The following STRN4 variants were observed in gnomAD, a reference collection of about 807,000 sequenced individuals.
The protein encoded by STRN4 is striatin 4.
In STRN4, 27 loss-of-function variants were observed where a neutral mutation model predicts 77.9. The ratio of observed to expected loss-of-function variants is 0.35; its 90% CI spans 0.26 to 0.48. The LOEUF (loss-of-function observed/expected upper bound fraction) is 0.48. Among genes scored for constraint, STRN4 ranks in the 20% least tolerant of loss-of-function variants. STRN4 has a pLI of 0.99. For synonymous variants in STRN4, 466 were observed against 443.1 expected, an observed-to-expected ratio of 1.05 and a Z score of -0.65; for missense variants, 798 against 1,049.7, an observed-to-expected ratio of 0.76 and a Z score of 3.31.
Position 46,736,832 on chromosome 19 carries a change from A to C in STRN4, c.530T>G (p.Leu177Arg). Reference sequence around the variant, plus strand: ...CCCCGAGCACACTCACTGTCGGAGAAGCTGCCGCCCCTCCTTCCACACCAA... The same window carrying C: ...CCCCGAGCACACTCACTGTCGGAGACGCTGCCGCCCCTCCTTCCACACCAA... ...SPLVWKEGRQ[L>R]LRQYLEEVGY... Residue 177 changes from leucine (L) to arginine (R), a missense_variant, in exon 4 of 18, where the codon CTT becomes CGT. Leu to Arg is a moderately radical substitution (Grantham distance 102, BLOSUM62 -2). Coordinates refer to ENST00000263280, the MANE Select transcript of STRN4 (RefSeq NM_013403.3). 1 of 1,612,764 alleles carries C rather than the reference A, an allele frequency of 6.2e-7. No homozygotes were observed. The highest frequency in any genetic ancestry group is 8.5e-7 in the Non-Finnish European group (1 of 1,179,344).
chr19:46,739,829 T>C (rs548957188), intron 1 of STRN4, among the ~76,000 whole-genome samples: 2 of 152,386 alleles, frequency 1.3e-5, no homozygotes, highest in African/African-American at 4.8e-5. Flanking sequence ...CCTCATGTGC[T>C]AGGTTCTGCT....
At chr19:46,736,705 A>AGG (rs2122351934) in intron 4 of STRN4, 118 bp downstream of exon 4, 1 of 1,095,472 alleles carries the variant, frequency 9.1e-7, no homozygotes, top group East Asian at 2.7e-5. Context: ...ATGGCTGGCT[A>AGG]AGATCCTGAT....
rs567817361 is a variant in STRN4 at position 46,730,681 on chromosome 19, G to A, written c.879+51C>T. 1.7e-5 allele frequency: 27 copies of A among 1,598,076 alleles called. No homozygotes were observed. The Admixed American group carries it at 1.8e-4, about 11-fold the overall frequency. On this transcript the variant is annotated intron_variant, in intron 6 of 17. Transcript: ENST00000263280. The stretch of plus-strand genomic sequence containing the variant: ...GCCCAGGCTGACTCGGAAGGGCTTC[G>A]ATCAGGTCACACCCAGGCCAGGCTG...
At chr19:46,730,997 A>G (rs1158955011) in intron 5 of STRN4, 124 bp from the exon 6 acceptor site, 1 of 1,370,220 alleles carries the variant, frequency 7.3e-7, no homozygotes, top group East Asian at 2.4e-5. Flanking sequence ...ACCCCTGAGC[A>G]GCCTTGACTC....
At chr19:46,739,693 C>G (rs1432432390) in intron 1 of STRN4, among the ~76,000 whole-genome samples, 1 of 152,208 alleles carries the variant, frequency 6.6e-6, no homozygotes, top group African/African-American at 2.4e-5. Context: ...ACCGTTCCAG[C>G]CCAGAACAGC....
intron 16 of STRN4, chr19:46,721,642 G>A (rs1214847353): frequency 7.6e-6 from 2 of 261,886 alleles, no homozygotes; most frequent in East Asian, 1.9e-4. Flanking sequence ...TGGGAGCACA[G>A]AAGTCCCACG....
At chr19:46,732,765 C>A (rs779881972) in intron 5 of STRN4, 2 of 437,178 alleles carry the variant, frequency 4.6e-6, no homozygotes, top group Non-Finnish European at 8.3e-6. Flanking sequence ...TCGGTAAGCA[C>A]CCCACTCGAC....
At chr19:46,730,991 C>T (rs113736970) in intron 5 of STRN4, 118 bp from the exon 6 acceptor site, 5 of 1,423,056 alleles carry the variant, frequency 3.5e-6, no homozygotes. Context: ...CCCCTAACCC[C>T]TGAGCAGCCT....
chr19:46,730,208 T>C (rs2054216625), intron 6 of STRN4, among the ~76,000 whole-genome samples: 1 of 152,188 alleles, frequency 6.6e-6, no homozygotes, highest in African/African-American at 2.4e-5. Context: ...TGCACACCAC[T>C]CTACTTGGGG....
Position 46,727,944 on chromosome 19 carries a change from G to A in STRN4, c.1103C>T (p.Pro368Leu). ...GCCAGGAGGCGGGCCAGTCACTTTT[G>A]GGGGCAGCCCATCCACATCCCGCAG... ...ADLRDVDGLPPKVTGPPPGTP... is the reference protein window; with the variant it reads ...ADLRDVDGLPLKVTGPPPGTP... The change falls in exon 8 of 18, where the codon CCA (proline) becomes CTA (leucine). Residue 368 changes from proline to leucine, a missense_variant. Pro to Leu is a moderately conservative substitution (Grantham distance 98, BLOSUM62 -3). Coordinates refer to ENST00000263280, the MANE Select transcript of STRN4 (RefSeq NM_013403.3). 6.2e-7 allele frequency: 1 copy of A among 1,613,570 alleles called. No homozygotes were observed.
At position 46,736,811 on chromosome 19, in the gene STRN4, G is replaced by C. The variant is rs200911915; in HGVS notation, c.539+12C>G. ...TCACGTGTCCCCAGCCCCCCTCCCC[G>C]AGCACACTCACTGTCGGAGAAGCTG... On this transcript the variant is annotated intron_variant, in intron 4 of 17. Transcript: ENST00000263280. 6.2e-7 allele frequency: 1 copy of C among 1,604,698 alleles called. No homozygotes were observed.
Position 46,722,901 on chromosome 19 carries a change from G to A in STRN4, c.1815C>T (p.His605=), listed in dbSNP as rs753750473. 30 of 1,614,056 alleles carry A rather than the reference G, an allele frequency of 1.9e-5. No homozygotes were observed. In the South Asian group the frequency reaches 2.5e-4, roughly 14 times the overall value. ...SVAFTSTEPA[H]IVASFRSGDT... Reference sequence around the variant, plus strand: ...CGCCAGAGCGGAAGGAGGCCACGATGTGGGCAGGCTCGGTGCTGGTGAAGG... The same window carrying A: ...CGCCAGAGCGGAAGGAGGCCACGATATGGGCAGGCTCGGTGCTGGTGAAGG... Residue 605 remains histidine (H), a synonymous_variant, in exon 14 of 18, where the codon CAC becomes CAT. Transcript: ENST00000263280.
rs71970589 is a variant in STRN4, at chr19:46,724,249, CAAAAAAAAAAAA to C, written c.1594+546_1594+557del. Among the ~76,000 whole-genome samples, 109 of 87,198 alleles carry C rather than the reference CAAAAAAAAAAAA, an allele frequency of 1.3e-3. 3 individuals carry two copies. Among genetic ancestry groups the C allele is most frequent in the Non-Finnish European group, 1.1e-3 (55 of 48,104 alleles). The allele number at this position is 87,198 out of a possible 152,430, so 57.2% of individuals were successfully genotyped here. ...GGTGACAGAGTGAGACTCTTTGTCT[CAAAAAAAAAAAA>C]AAAAAAAAAAAAAAGGCAGAGAACA... is the stretch of plus-strand genomic sequence containing the variant. On this transcript the variant is annotated intron_variant, in intron 12 of 17. Coordinates refer to ENST00000263280, the MANE Select transcript of STRN4 (RefSeq NM_013403.3).
chr19:46,728,690 C>T lies in STRN4; in HGVS notation c.967G>A (p.Gly323Ser), dbSNP rs201563101. ...GCCCCTTCCCCATCCTCTCCTGAGC[C>T]CAGGAAATCAAACTCATTGATAGCA... The part of the protein sequence containing the change: ...EDAINEFDFL[G>S]SGEDGEGAPD... The change falls in exon 7 of 18, where the codon GGC (glycine) becomes AGC (serine). Residue 323 changes from glycine (G) to serine (S), a missense_variant. Coordinates refer to ENST00000263280, the MANE Select transcript of STRN4 (RefSeq NM_013403.3). The T allele has an allele frequency of 6.2e-7, 1 of 1,614,194 alleles. No homozygotes were observed. The highest frequency in any genetic ancestry group is 2.2e-5 in the East Asian group (1 of 44,878).
chr19:46,742,301 T>C (rs963179431), intron 1 of STRN4, among the ~76,000 whole-genome samples: 3 of 152,088 alleles, frequency 2.0e-5, no homozygotes, highest in African/African-American at 7.2e-5. Flanking sequence ...GGGGCTGCCT[T>C]CTCTGCCATT....
chr19:46,742,834 T>A (rs2054498191), intron 1 of STRN4, among the ~76,000 whole-genome samples: 1 of 152,220 alleles, frequency 6.6e-6, no homozygotes, highest in African/African-American at 2.4e-5. Flanking sequence ...GTGCTGGGAT[T>A]ACAGGCGCGA....
chr19:46,720,962 A>G (rs1333577999), intron 16 of STRN4, 191 bp from the exon 17 acceptor site: 3 of 517,668 alleles, frequency 5.8e-6, no homozygotes, highest in African/African-American at 2.0e-5. Flanking sequence ...TCCACAGTCC[A>G]TCTCATCCCC....
chr19:46,738,258 T>C lies in STRN4; in HGVS notation c.387-21A>G. ...TGGCCCTAAAAGAGCAAATGATTAA[T>C]GAATAAGAGATGCGGGAGAGTAGAC... is the stretch of plus-strand genomic sequence containing the variant. On this transcript the variant is annotated intron_variant, in intron 2 of 17. Transcript: ENST00000263280. This position sits in a 1 kb window ranked among gnomAD's most constrained non-coding sequence, Gnocchi z 4.5. 1 of 1,609,116 alleles carries C rather than the reference T, an allele frequency of 6.2e-7. No individual in the cohort carries two copies.
intron 4 of STRN4, among the ~76,000 whole-genome samples, chr19:46,734,575 G>C (rs2122330790): frequency 6.6e-6 from 1 of 152,280 alleles, no homozygotes; most frequent in South Asian, 2.1e-4. Flanking sequence ...TATATGTTGG[G>C]TTTTTTTCCT....
Sources: gnomAD v4.1 joint callset for allele counts (sites outside exome capture counted in the v4.1 genomes callset) on GRCh38, gnomAD v4.1.1 for gene constraint, Gnocchi (gnomAD v3.1) non-coding constraint, MANE v1.5 for transcripts, NCBI Gene and HGNC (gene_info 2026-07-23, HGNC 2026-07-21) for gene names.